ZNF567: variants seen among roughly 807,000 people sequenced by gnomAD.
ZNF567 encodes the protein zinc finger protein 567.
In ZNF567, 36 loss-of-function variants were observed where a neutral mutation model predicts 53.9. The observed-to-expected ratio is 0.67, with a 90% CI of 0.51 to 0.88. The LOEUF (loss-of-function observed/expected upper bound fraction) is 0.88. ZNF567 is among the 40% of genes least tolerant of loss of function. The pLI is 0.00. For synonymous variants in ZNF567, 224 were observed against 260.4 expected (o/e 0.86, Z 1.35); for missense variants, 619 against 764.7 (o/e 0.81, Z 2.25).
downstream of ZNF567, among the ~76,000 whole-genome samples, chr19:36,722,219 G>A (rs181912956): frequency 4.2e-4 from 64 of 152,260 alleles, no homozygotes; most frequent in African/African-American, 1.5e-3. Context: ...CATTATTGCA[G>A]GTCCTTCTTG....
At chr19:36,726,105 T>G (rs570295673), downstream of ZNF567, among the ~76,000 whole-genome samples, 205 of 152,336 alleles carry the variant, frequency 1.3e-3, no homozygotes, top group Non-Finnish European at 2.2e-3. Flanking sequence ...TTAGTTATAT[T>G]TTCAATTCTA....
chr19:36,722,589 C>T (rs950518237), downstream of ZNF567, among the ~76,000 whole-genome samples: 1 of 152,194 alleles, frequency 6.6e-6, no homozygotes, highest in Non-Finnish European at 1.5e-5. Context: ...CGTGAGCCAC[C>T]GTGCCCAGCC....
Position 36,720,744 on chromosome 19 carries a change from C to G in ZNF567, c.*76C>G. 3 of 1,293,084 alleles carry G rather than the reference C, an allele frequency of 2.3e-6. No homozygotes were observed. The African/African-American group carries it at 4.4e-5, about 19-fold the overall frequency. 80.1% of individuals were successfully genotyped at this position (1,293,084 alleles called of 1,614,324 possible). A position where few individuals can be genotyped will look rare whatever the true frequency, so the allele number is the denominator to read the frequency against. On this transcript the variant is annotated 3_prime_UTR_variant, in exon 6 of 6. Coordinates refer to ENST00000682579, the MANE Select transcript of ZNF567 (RefSeq NM_001322917.1). Reference sequence around the variant, plus strand: ...TTTTAAAAAGAAAAGCATGCTGAAACATGTTAATGTAATTTTAAATCACAA... The same window carrying G: ...TTTTAAAAAGAAAAGCATGCTGAAAGATGTTAATGTAATTTTAAATCACAA...
At chr19:36,689,236 AGTGTGTGTGTGT>A (rs59984347) in intron 1 of ZNF567, among the ~76,000 whole-genome samples, 149 bp from the exon 2 acceptor site, 188 of 138,966 alleles carry the variant, frequency 1.4e-3, no homozygotes, top group South Asian at 3.3e-3. Flanking sequence ...CCTATTTGAG[AGTGTGTGTGTGT>A]GTGTGTGTGT....
Position 36,719,239 on chromosome 19 carries a change from C to G in ZNF567, c.515C>G (p.Thr172Ser). The change falls in exon 6 of 6, where the codon ACT (threonine) becomes AGT (serine). Residue 172 changes from threonine to serine, a missense_variant. Thr to Ser is a moderately conservative substitution (Grantham distance 58, BLOSUM62 1). Transcript: ENST00000682579. ...GGATATGGGAAATCACTCCTGAGTA[C>G]TAAACAAGAGACTACTCATCCTGAA... is the stretch of plus-strand genomic sequence containing the variant. Reference protein sequence around the residue: ...YNGYGKSLLSTKQETTHPEVK... With the variant: ...YNGYGKSLLSSKQETTHPEVK... The G allele has an allele frequency of 6.2e-7, 1 of 1,613,886 alleles. No individual in the cohort carries two copies. The highest frequency in any genetic ancestry group is 1.7e-4 in the Middle Eastern group (1 of 6,058).
intron 5 of ZNF567, among the ~76,000 whole-genome samples, chr19:36,714,734 T>C (rs1289269556): frequency 6.6e-6 from 1 of 152,206 alleles, no homozygotes; most frequent in Admixed American, 6.5e-5. Context: ...ATTCCTGCAA[T>C]CAATCCTTTG....
intron 5 of ZNF567, among the ~76,000 whole-genome samples, chr19:36,717,016 A>C (rs543322895): frequency 7.6e-4 from 115 of 151,980 alleles, no homozygotes; most frequent in Middle Eastern, 3.4e-3. Flanking sequence ...TTTAGTAGGG[A>C]CAGTTTCACC....
the ZNF567 span, among the ~76,000 whole-genome samples, chr19:36,680,299 G>T: frequency 6.6e-6 from 1 of 152,012 alleles, no homozygotes; most frequent in Non-Finnish European, 1.5e-5. Context: ...AAACAGAATC[G>T]TCTAGAACAT....
intron 2 of ZNF567, among the ~76,000 whole-genome samples, chr19:36,693,855 TA>T (rs1190811777): frequency 6.6e-6 from 1 of 152,154 alleles, no homozygotes; most frequent in Non-Finnish European, 1.5e-5. Context: ...AAATAATTTT[TA>T]AAATTGTATT....
rs1365390555 is a variant in ZNF567, at chr19:36,719,127, G to T, written c.403G>T (p.Asp135Tyr). The T allele has an allele frequency of 5.0e-6, 8 of 1,611,328 alleles. No homozygotes were observed. The highest frequency in any genetic ancestry group is 2.7e-5 in the African/African-American group (2 of 74,692). The change falls in exon 6 of 6, where the codon GAT becomes TAT. Residue 135 changes from aspartate to tyrosine, a missense_variant. Asp to Tyr is a radical substitution (Grantham distance 160, BLOSUM62 -3). Transcript: ENST00000682579. ...TTCAAAAAATCTACCTCCTGAATAT[G>T]ATACTCATGGAAGGATTTTGAAAAA... ...VNSKNLPPEY[D>Y]THGRILKNVS... is the part of the protein sequence containing the mutation.
chr19:36,727,010 C>CTTTCTTTCTTTCTTTCTTTTTTTCCTTTT (rs1555809300), downstream of ZNF567: 1 of 123,886 alleles, frequency 8.1e-6, no homozygotes, highest in African/African-American at 3.1e-5. Flanking sequence ...TTCTTTCTTT[C>CTTTCTTTCTTTCTTTCTTTTTTTCCTTTT]CTTTTTTTTT....
intron 4 of ZNF567, 94 bp from the exon 5 acceptor site, chr19:36,712,687 G>T: frequency 2.2e-6 from 3 of 1,378,286 alleles, no homozygotes; most frequent in Non-Finnish European, 3.1e-6. Flanking sequence ...TTACACAAAT[G>T]GGTGTCTTAA....
upstream of ZNF567, chr19:36,686,867 C>T (rs547079740): frequency 4.7e-4 from 72 of 152,282 alleles, no homozygotes; most frequent in African/African-American, 1.7e-3. Flanking sequence ...AAGAAACAAT[C>T]GAGTCTAAAA....
At chr19:36,673,666 G>A in the ZNF567 span, among the ~76,000 whole-genome samples, 1 of 151,900 alleles carries the variant, frequency 6.6e-6, no homozygotes, top group East Asian at 1.9e-4. Flanking sequence ...AAATCTTTCT[G>A]TGTGCATGCA....
upstream of ZNF567, among the ~76,000 whole-genome samples, chr19:36,683,224 C>T (rs1251220071): frequency 6.6e-6 from 1 of 151,952 alleles, no homozygotes; most frequent in Admixed American, 6.6e-5. Flanking sequence ...AGGTGCACCA[C>T]CACACCCAGC....
the ZNF567 span, among the ~76,000 whole-genome samples, chr19:36,676,055 CTTTTTTTT>C: frequency 8.6e-4 from 52 of 60,604 alleles, no homozygotes; most frequent in African/African-American, 2.3e-3. Flanking sequence ...TATTCTACAC[CTTTTTTTT>C]TTTTTTTTTT....
downstream of ZNF567, chr19:36,726,994 C>CTTTCTTTCTTTCTTTCTTTCTTTCTT (rs2040337503): frequency 1.1e-5 from 1 of 88,688 alleles, no homozygotes; most frequent in African/African-American, 4.7e-5. Flanking sequence ...TTCTTTCTTT[C>CTTTCTTTCTTTCTTTCTTTCTTTCTT]TTTCTTTCTT....
chr19:36,690,002 A>G lies in ZNF567; in HGVS notation c.-67+505A>G, dbSNP rs547588509. ...AAAATTTTACACTCAACAGCTCTAT[A>G]AGATCCTGTTCTTGAATGAAGTTCT... On this transcript the variant is annotated intron_variant, in intron 2 of 5. Coordinates refer to ENST00000682579, the MANE Select transcript of ZNF567 (RefSeq NM_001322917.1). Among the ~76,000 whole-genome samples, 14 of 152,318 alleles carry G rather than the reference A, an allele frequency of 9.2e-5. No homozygotes were observed. The South Asian group carries it at 2.7e-3, about 29-fold the overall frequency.
At chr19:36,703,308 G>A (rs1420854595) in intron 3 of ZNF567, among the ~76,000 whole-genome samples, 2 of 151,912 alleles carry the variant, frequency 1.3e-5, no homozygotes, top group Admixed American at 6.6e-5. Context: ...AGGAGTACCC[G>A]GCCGTGTGAG....
Sources: allele counts gnomAD v4.1 joint callset (sites outside exome capture counted in the v4.1 genomes callset), GRCh38; gene constraint gnomAD v4.1.1; transcripts MANE v1.5; gene names NCBI Gene and HGNC (gene_info 2026-07-23, HGNC 2026-07-21).